Variants in WASHC4 observed in about 807,000 individuals in gnomAD.
WASHC4 encodes the protein WASH complex subunit 7.
WASHC4 carries 86 observed loss-of-function variants against 166.6 expected under a neutral mutation model. That is an observed-to-expected ratio of 0.52 (90% CI 0.43 to 0.62). WASHC4 has a LOEUF of 0.62. Among genes scored for constraint, WASHC4 ranks in the 20% least tolerant of loss-of-function variants. WASHC4 has a pLI of 0.00. For synonymous variants in WASHC4, 446 were observed against 451.6 expected, an observed-to-expected ratio of 0.99 and a Z score of 0.16; for missense variants, 1,262 against 1,382.4, an observed-to-expected ratio of 0.91 and a Z score of 1.38.
At chr12:105,139,738 C>G (rs77681999) in intron 15 of WASHC4, among the ~76,000 whole-genome samples, 335 of 151,646 alleles carry the variant, frequency 2.2e-3, no homozygotes, top group African/African-American at 7.8e-3. Context: ...CATTTTGGGT[C>G]TTCTTATATC....
At chr12:105,146,871 A>G (rs1883338149) in intron 23 of WASHC4, among the ~76,000 whole-genome samples, 171 bp from the exon 24 acceptor site, 1 of 152,130 alleles carries the variant, frequency 6.6e-6, no homozygotes, top group Non-Finnish European at 1.5e-5. Flanking sequence ...TCATTGGAAC[A>G]TTTTGGATTT....
At chr12:105,147,662 T>C (rs1883417742) in intron 24 of WASHC4, 4 of 830,456 alleles carry the variant, frequency 4.8e-6, no homozygotes, top group Admixed American at 5.7e-5. Flanking sequence ...TCCCAGCACT[T>C]TGGGAGGCTG....
At position 105,137,962 on chromosome 12, in the gene WASHC4, T is replaced by C. The variant is rs899448677; in HGVS notation, c.1403T>C (p.Met468Thr). 4 of 1,613,284 alleles carry C rather than the reference T, an allele frequency of 2.5e-6. No homozygotes were observed. The highest frequency in any genetic ancestry group is 2.5e-6 in the Non-Finnish European group (3 of 1,179,390). ...CTCTACATGTCCATGCAAAAGCCAA[T>C]GACCAAAACCTCAGTTAAGGCATTG... ...MNLYMSMQKP[M>T]TKTSVKALCR... Residue 468 changes from methionine to threonine, a missense_variant, in exon 15 of 33, where the codon ATG becomes ACG. Transcript: ENST00000332180.
intron 26 of WASHC4, chr12:105,156,462 T>C: frequency 5.1e-6 from 1 of 194,860 alleles, no homozygotes. Context: ...GTAGTCAGCA[T>C]TTAATGATTT....
At chr12:105,122,646 C>T (rs1390164686) in intron 10 of WASHC4, among the ~76,000 whole-genome samples, 1 of 151,972 alleles carries the variant, frequency 6.6e-6, no homozygotes, top group Admixed American at 6.6e-5. Flanking sequence ...AGCATGTGTT[C>T]ACTTTGTCTC....
At chr12:105,159,213 T>A (rs557522858) in intron 28 of WASHC4, among the ~76,000 whole-genome samples, 1 of 152,338 alleles carries the variant, frequency 6.6e-6, no homozygotes, top group East Asian at 1.9e-4. Flanking sequence ...AAAAATATTT[T>A]GAAGCAGTGT....
At chr12:105,111,561 A>G (rs1429424718) in intron 2 of WASHC4, among the ~76,000 whole-genome samples, 2 of 152,122 alleles carry the variant, frequency 1.3e-5, no homozygotes, top group African/African-American at 4.8e-5. Context: ...TGGATAGAAT[A>G]TTCAGGCTTT....
rs766630080 is a variant in WASHC4, at chr12:105,146,439, T to C, written c.2335-13T>C. On this transcript the variant is annotated splice_polypyrimidine_tract_variant and intron_variant, in intron 22 of 32. Transcript: ENST00000332180. ...TGAATTATAATAAAACTTGTATGTG[T>C]ATTATGTTGTAGGGCCTTGATGTTT... 3 of 1,440,566 alleles carry C rather than the reference T, an allele frequency of 2.1e-6. No individual in the cohort carries two copies. The highest frequency in any genetic ancestry group is 2.9e-6 in the Non-Finnish European group (3 of 1,022,484). The allele number at this position is 1,440,566 out of a possible 1,614,324, so 89.2% of individuals were successfully genotyped here. A position where few individuals can be genotyped will look rare whatever the true frequency, so the allele number is the denominator to read the frequency against.
intron 24 of WASHC4, chr12:105,148,749 A>C: frequency 4.1e-6 from 4 of 985,410 alleles, no homozygotes; most frequent in Non-Finnish European, 4.8e-6. Context: ...AATCATTAGT[A>C]ATACTTGAGA....
At chr12:105,157,159 C>T (rs902779856) in intron 27 of WASHC4, 77 bp from the exon 28 acceptor site, 3 of 769,408 alleles carry the variant, frequency 3.9e-6, no homozygotes, top group Non-Finnish European at 6.9e-6. Context: ...TAGAGTCCTG[C>T]AGTACCACTT....
Position 105,152,459 on chromosome 12 carries a change from A to G in WASHC4, c.2758+8A>G. On this transcript the variant is annotated splice_region_variant and intron_variant, in intron 26 of 32. Coordinates refer to ENST00000332180, the MANE Select transcript of WASHC4 (RefSeq NM_015275.3). ...AACTCATCAGCCAGATTGGTAAGTT[A>G]TGATAAAAGTGTTGGGAAATCAGGT... 6.9e-7 allele frequency: 1 copy of G among 1,454,010 alleles called. No individual in the cohort carries two copies. Among genetic ancestry groups the G allele is most frequent in the Non-Finnish European group, 9.7e-7 (1 of 1,034,430 alleles). 90.1% of individuals were successfully genotyped at this position (1,454,010 alleles called of 1,614,324 possible).
In WASHC4 at chr12:105,159,986, T is replaced by A; in HGVS notation, c.2913-15T>A. Reference sequence around the variant, plus strand: ...TTCTTTTGAGAAAGGAACCAAATAATTTTTTGCTTTTTAGGCATTTGGATT... The same window carrying A: ...TTCTTTTGAGAAAGGAACCAAATAAATTTTTGCTTTTTAGGCATTTGGATT... On this transcript the variant is annotated splice_polypyrimidine_tract_variant and intron_variant, in intron 28 of 32. Coordinates refer to ENST00000332180, the MANE Select transcript of WASHC4 (RefSeq NM_015275.3). 1 of 1,612,866 alleles carries A rather than the reference T, an allele frequency of 6.2e-7. No homozygotes were observed. The highest frequency in any genetic ancestry group is 8.5e-7 in the Non-Finnish European group (1 of 1,178,996).
intron 13 of WASHC4, among the ~76,000 whole-genome samples, chr12:105,129,903 A>T (rs1881641836): frequency 6.6e-6 from 1 of 152,244 alleles, no homozygotes; most frequent in Admixed American, 6.5e-5. Flanking sequence ...CATGTTCCAT[A>T]AAGCATGTAA....
At chr12:105,158,315 G>T (rs1884297960) in intron 28 of WASHC4, among the ~76,000 whole-genome samples, 1 of 152,104 alleles carries the variant, frequency 6.6e-6, no homozygotes, top group Non-Finnish European at 1.5e-5. Flanking sequence ...AATTACAAAG[G>T]AGAAAACTGT....
chr12:105,133,973 A>C, intron 14 of WASHC4, 77 bp downstream of exon 14: 1 of 1,360,620 alleles, frequency 7.3e-7, no homozygotes, highest in East Asian at 2.4e-5. Flanking sequence ...AAAACTGAAC[A>C]AAGGGTAGAG....
chr12:105,147,791 G>T, intron 24 of WASHC4: 1 of 417,912 alleles, frequency 2.4e-6, no homozygotes, highest in Non-Finnish European at 3.2e-6. Flanking sequence ...TGTAATCCCA[G>T]CTGCTTGGGA....
At chr12:105,146,349 A>C (rs1883292370) in intron 22 of WASHC4, 103 bp from the exon 23 acceptor site, 3 of 759,124 alleles carry the variant, frequency 4.0e-6, no homozygotes, top group Admixed American at 4.4e-5. Flanking sequence ...ATAACTTAAA[A>C]ATTATTAGGA....
At chr12:105,150,528 T>TA (rs1170951062) in intron 25 of WASHC4, among the ~76,000 whole-genome samples, 1 of 152,232 alleles carries the variant, frequency 6.6e-6, no homozygotes, top group African/African-American at 2.4e-5. Flanking sequence ...CTCATGCCTG[T>TA]AATCCAGCAC....
intron 20 of WASHC4, 127 bp downstream of exon 20, chr12:105,143,370 A>G (rs1883026341): frequency 1.6e-6 from 1 of 632,216 alleles, no homozygotes; most frequent in Non-Finnish European, 2.9e-6. Flanking sequence ...AGAACAAAGA[A>G]CTATTTTTAG....
Sources: allele counts gnomAD v4.1 joint callset (sites outside exome capture counted in the v4.1 genomes callset), GRCh38; gene constraint gnomAD v4.1.1; transcripts MANE v1.5; gene names NCBI Gene and HGNC (gene_info 2026-07-23, HGNC 2026-07-21).